Variants in VPS13B observed in about 807,000 individuals in gnomAD.
VPS13B encodes intermembrane lipid transfer protein VPS13B.
Under a neutral mutation model 426.4 loss-of-function variants are expected in VPS13B, and 285 were observed. The ratio of observed to expected loss-of-function variants is 0.67; its 90% CI spans 0.61 to 0.74. The LOEUF (loss-of-function observed/expected upper bound fraction) is 0.74, where lower values mean the gene tolerates loss of function less well. Ranked by LOEUF, VPS13B falls within the 30% of genes least tolerant of loss-of-function variation. The probability of loss-of-function intolerance (pLI) is 0.00; values close to 1 mark genes in which losing one functional copy is unlikely to be tolerated. For missense variants in VPS13B, 4,537 were observed against 4,782.6 expected (o/e 0.95, Z 1.51); for synonymous variants, 1,676 against 1,676.4 (o/e 1.00, Z 0.01).
At chr8:99,850,746 C>T (rs955152560) in intron 55 of VPS13B, among the ~76,000 whole-genome samples, 33 of 152,096 alleles carry the variant, frequency 2.2e-4, no homozygotes, top group Non-Finnish European at 3.8e-4. Context: ...GCCAACATGG[C>T]GAAACCCTGT....
chr8:99,028,625 C>A (rs1348011581), intron 2 of VPS13B, among the ~76,000 whole-genome samples: 1 of 127,388 alleles, frequency 7.9e-6, no homozygotes, highest in Admixed American at 7.4e-5. Flanking sequence ...GGGGGCTGAC[C>A]CCCCCCACCT....
At chr8:99,789,047 C>G (rs1289024796) in intron 43 of VPS13B, among the ~76,000 whole-genome samples, 7 of 152,158 alleles carry the variant, frequency 4.6e-5, no homozygotes. Context: ...TATACTCATT[C>G]TGGTCCTAAT....
At chr8:99,322,905 C>G (rs1423642505) in intron 19 of VPS13B, among the ~76,000 whole-genome samples, 1 of 152,184 alleles carries the variant, frequency 6.6e-6, no homozygotes, top group East Asian at 1.9e-4. Flanking sequence ...CTTCTGCACT[C>G]TGTACTAAGT....
chr8:99,505,573 G>A (rs906020947), intron 27 of VPS13B, among the ~76,000 whole-genome samples: 3 of 152,066 alleles, frequency 2.0e-5, no homozygotes, highest in African/African-American at 7.2e-5. Context: ...TGTGTCTTCA[G>A]GACATCACTG....
intron 19 of VPS13B, among the ~76,000 whole-genome samples, chr8:99,368,526 T>C (rs1481582361): frequency 1.3e-5 from 2 of 152,216 alleles, no homozygotes; most frequent in African/African-American, 4.8e-5. Context: ...TTTCTTCCTG[T>C]ATCTTAAATC....
At chr8:99,556,955 CTATTG>C (rs1824610397) in intron 31 of VPS13B, among the ~76,000 whole-genome samples, 1 of 145,672 alleles carries the variant, frequency 6.9e-6, no homozygotes, top group African/African-American at 2.5e-5. Context: ...CTCTTAAAAT[CTATTG>C]TATTTGGGGT....
chr8:99,846,863 C>A (rs1280569741), intron 54 of VPS13B, among the ~76,000 whole-genome samples: 2 of 152,218 alleles, frequency 1.3e-5, no homozygotes, highest in Non-Finnish European at 2.9e-5. Context: ...TCTCTATTCG[C>A]ATCCCCTCCC....
Position 99,853,706 on chromosome 8 carries a change from C to G in VPS13B, c.10317C>G (p.Phe3439Leu). Residue 3439 changes from phenylalanine (F) to leucine (L), a missense_variant, in exon 56 of 62, where the codon TTC becomes TTG. Phe to Leu is a conservative substitution (Grantham distance 22, BLOSUM62 0). Coordinates refer to ENST00000357162, the MANE Select transcript of VPS13B (RefSeq NM_152564.5). ...LDNQLYNKSN[F>L]HFAVLVCQGE... Reference sequence around the variant, plus strand: ...ACCAGCTTTATAACAAGTCCAATTTCCACTTTGCTGTCTTAGTCTGCCAGG... The same window carrying G: ...ACCAGCTTTATAACAAGTCCAATTTGCACTTTGCTGTCTTAGTCTGCCAGG... 1 of 1,614,204 alleles carries G rather than the reference C, an allele frequency of 6.2e-7. No individual in the cohort carries two copies. The highest frequency in any genetic ancestry group is 8.5e-7 in the Non-Finnish European group (1 of 1,180,036).
intron 35 of VPS13B, among the ~76,000 whole-genome samples, chr8:99,690,010 G>T (rs2130072105): frequency 6.6e-6 from 1 of 152,228 alleles, no homozygotes; most frequent in South Asian, 2.1e-4. Flanking sequence ...TTGTTCTAAT[G>T]ATCATCTGTT....
At chr8:99,736,951 C>T (rs545987381) in intron 39 of VPS13B, among the ~76,000 whole-genome samples, 223 of 151,984 alleles carry the variant, frequency 1.5e-3, no homozygotes, top group Non-Finnish European at 2.6e-3. Flanking sequence ...CAAGGGCATT[C>T]CATTGGTAAA....
intron 17 of VPS13B, among the ~76,000 whole-genome samples, chr8:99,208,691 A>C (rs1170972830): frequency 6.6e-6 from 1 of 152,230 alleles, no homozygotes; most frequent in African/African-American, 2.4e-5. Flanking sequence ...TCATTGCAAC[A>C]AATGAAATCA....
At chr8:99,680,940 A>AT (rs1831130312) in intron 35 of VPS13B, among the ~76,000 whole-genome samples, 1 of 152,158 alleles carries the variant, frequency 6.6e-6, no homozygotes, top group Admixed American at 6.6e-5. Context: ...ATTTTTATCA[A>AT]TTTTTTAAAA....
intron 30 of VPS13B, among the ~76,000 whole-genome samples, chr8:99,523,083 C>T (rs868137646): frequency 6.6e-6 from 1 of 152,106 alleles, no homozygotes; most frequent in African/African-American, 2.4e-5. Context: ...CCAGAATAGA[C>T]AAACTCAGAG....
intron 18 of VPS13B, among the ~76,000 whole-genome samples, chr8:99,274,838 G>T (rs1023759656): frequency 2.0e-5 from 3 of 152,034 alleles, no homozygotes; most frequent in Non-Finnish European, 4.4e-5. Context: ...TTAGAAGACA[G>T]TGTGTTTAGT....
chr8:99,817,613 A>G lies in VPS13B; in HGVS notation c.8171A>G (p.Tyr2724Cys), dbSNP rs138453594. 8.6e-4 allele frequency: 1,389 copies of G among 1,614,088 alleles called. 18 individuals are homozygous for G. The South Asian group carries it at 0.014, about 17-fold the overall frequency. Reference protein sequence around the residue: ...QSIELKVVQHYIGQDGQAVVR... With the variant: ...QSIELKVVQHCIGQDGQAVVR... ...ATAGAACTAAAAGTCGTTCAGCATT[A>G]CATTGGTCAAGATGGACAAGCTGTA... The change falls in exon 45 of 62, where the codon TAC (tyrosine) becomes TGC (cysteine). Residue 2724 changes from tyrosine (Y) to cysteine (C), a missense_variant. Tyr to Cys is a radical substitution (Grantham distance 194, BLOSUM62 -2). Coordinates refer to ENST00000357162, the MANE Select transcript of VPS13B (RefSeq NM_152564.5).
chr8:99,280,888 T>C (rs141827908), intron 19 of VPS13B, among the ~76,000 whole-genome samples: 1 of 152,328 alleles, frequency 6.6e-6, no homozygotes, highest in African/African-American at 2.4e-5. Flanking sequence ...TTGGTATTCA[T>C]CCTCTTTAGT....
At chr8:99,090,083 G>A (rs765451143) in intron 3 of VPS13B, among the ~76,000 whole-genome samples, 34 of 151,992 alleles carry the variant, frequency 2.2e-4, no homozygotes, top group Non-Finnish European at 4.6e-4. Context: ...TAGTTTTTCA[G>A]GTTAAGTTTG....
At chr8:99,410,551 T>C (rs1235212558) in intron 21 of VPS13B, among the ~76,000 whole-genome samples, 1 of 150,676 alleles carries the variant, frequency 6.6e-6, no homozygotes, top group Admixed American at 6.6e-5. Flanking sequence ...TATTTATTTA[T>C]TTATTTATTT....
At chr8:99,318,852 A>T (rs543579929) in intron 19 of VPS13B, among the ~76,000 whole-genome samples, 1 of 152,208 alleles carries the variant, frequency 6.6e-6, no homozygotes, top group Admixed American at 6.5e-5. Flanking sequence ...GAAGGGTCTT[A>T]TTACTGAGAT....
Sources: allele counts gnomAD v4.1 joint callset (sites outside exome capture counted in the v4.1 genomes callset), GRCh38; gene constraint gnomAD v4.1.1; transcripts MANE v1.5; gene names NCBI Gene and HGNC (gene_info 2026-07-23, HGNC 2026-07-21).